The following ARIH1 variants were observed in gnomAD, a reference collection of about 807,000 sequenced individuals.
ARIH1 encodes the protein ariadne RBR E3 ubiquitin protein ligase 1, also known as E3 ubiquitin-protein ligase ARIH1.
ARIH1 carries 8 observed loss-of-function variants against 85.0 expected under a neutral mutation model. The observed-to-expected ratio is 0.09, with a 90% CI of 0.06 to 0.17. The LOEUF (loss-of-function observed/expected upper bound fraction) is 0.17, where lower values mean the gene tolerates loss of function less well. Ranked by LOEUF, ARIH1 falls within the 10% of genes least tolerant of loss-of-function variation. The pLI is 1.00. For synonymous variants in ARIH1, 238 were observed against 253.6 expected (o/e 0.94, Z 0.59); for missense variants, 311 against 718.1 (o/e 0.43, Z 6.48).
chr15:72,561,374 G>GGCATAAACATGTAGCCGTA, intron 5 of ARIH1, 109 bp from the exon 6 acceptor site: 1 of 727,768 alleles, frequency 1.4e-6, no homozygotes, highest in East Asian at 2.7e-5. Flanking sequence ...TACAGCTTAG[G>GGCATAAACATGTAGCCGTA]GCATAAACAT....
At chr15:72,547,345 G>A (rs181924625) in intron 3 of ARIH1, among the ~76,000 whole-genome samples, 1 of 151,808 alleles carries the variant, frequency 6.6e-6, no homozygotes, top group East Asian at 1.9e-4. Flanking sequence ...TGATTCTCCT[G>A]CCTCAGCCTC....
Position 72,504,327 on chromosome 15 carries a change from T to G in ARIH1, c.376-13740T>G, listed in dbSNP as rs2063915541. Among the ~76,000 whole-genome samples the G allele has an allele frequency of 2.0e-5, 3 of 152,088 alleles. No homozygotes were observed. In the South Asian group the frequency reaches 6.2e-4, roughly 31 times the overall value. ...GTCTCAGCCTCCCAGAGTACTGGGATTACAGTGTGAGCCACCGCACCCAGC... is the reference window on the plus strand; with the variant it reads ...GTCTCAGCCTCCCAGAGTACTGGGAGTACAGTGTGAGCCACCGCACCCAGC... On this transcript the variant is annotated intron_variant, in intron 1 of 13. Transcript: ENST00000379887.
At chr15:72,479,501 T>C (rs139907547) in intron 1 of ARIH1, among the ~76,000 whole-genome samples, 2,592 of 152,056 alleles carry the variant, frequency 0.017, 60 homozygotes, top group African/African-American at 0.059. Flanking sequence ...CTCTGCCTCC[T>C]GGGTTCAAGC....
intron 7 of ARIH1, among the ~76,000 whole-genome samples, chr15:72,564,483 C>T (rs1044922525): frequency 3.3e-5 from 5 of 152,140 alleles, no homozygotes; most frequent in African/African-American, 9.7e-5. Flanking sequence ...CCAGAATTAC[C>T]CTTAACAATT....
intron 7 of ARIH1, among the ~76,000 whole-genome samples, chr15:72,564,860 A>T (rs1281653104): frequency 1.3e-5 from 2 of 151,580 alleles, no homozygotes; most frequent in Non-Finnish European, 2.9e-5. Context: ...TTTTTTTTTT[A>T]AAAAGGATGC....
chr15:72,529,174 G>A (rs1223372935), intron 2 of ARIH1, among the ~76,000 whole-genome samples: 7 of 152,160 alleles, frequency 4.6e-5, no homozygotes, highest in South Asian at 2.1e-4. Context: ...ACTCCAGCCT[G>A]GGCGACAGAG....
chr15:72,569,707 G>T (rs1313852740), intron 9 of ARIH1, among the ~76,000 whole-genome samples: 1 of 152,196 alleles, frequency 6.6e-6, no homozygotes, highest in East Asian at 1.9e-4. Context: ...AGAGAGTATA[G>T]TATATTTATA....
intron 2 of ARIH1, among the ~76,000 whole-genome samples, chr15:72,539,810 A>G (rs2064098495): frequency 6.6e-6 from 1 of 152,198 alleles, no homozygotes; most frequent in Non-Finnish European, 1.5e-5. Flanking sequence ...AGAAAATAGA[A>G]CACTATCTCT....
chr15:72,561,376 C>T, intron 5 of ARIH1, 107 bp from the exon 6 acceptor site: 1 of 736,868 alleles, frequency 1.4e-6, no homozygotes, highest in Non-Finnish European at 2.3e-6. Context: ...CAGCTTAGGG[C>T]ATAAACATGT....
At position 72,497,229 on chromosome 15, in the gene ARIH1, A is replaced by G. The variant is rs758521157; in HGVS notation, c.376-20838A>G. On this transcript the variant is annotated intron_variant, in intron 1 of 13. Transcript: ENST00000379887. ...GGATCCTATTTTGTAAACTGGGAGG[A>G]GAAACAGAGAAGATAGATTGAGCTA... 3.6e-4 allele frequency among the ~76,000 whole-genome samples: 55 copies of G among 152,206 alleles called. 1 individual carries two copies. Among genetic ancestry groups the G allele is most frequent in the Non-Finnish European group, 7.1e-4 (48 of 68,036 alleles).
chr15:72,486,946 C>T (rs1595849382), intron 1 of ARIH1, among the ~76,000 whole-genome samples: 1 of 152,008 alleles, frequency 6.6e-6, no homozygotes. Flanking sequence ...CCGCCCTCCT[C>T]AGCCTCCCAA....
rs961904194 is a variant in ARIH1 at position 72,555,307 on chromosome 15, A to G, written c.625A>G (p.Met209Val). Reference protein sequence around the residue: ...TGLECGHKFCMQCWSEYLTTK... With the variant: ...TGLECGHKFCVQCWSEYLTTK... ...CCTTGAATGTGGACATAAGTTTTGT[A>G]TGCAGTGCTGGAGTGAATATTTAAC... The change falls in exon 4 of 14, where the codon ATG becomes GTG. Residue 209 changes from methionine (M) to valine (V), a missense_variant. Transcript: ENST00000379887. 2.0e-5 allele frequency: 32 copies of G among 1,613,708 alleles called. No individual in the cohort carries two copies. The highest frequency in any genetic ancestry group is 1.6e-4 in the Middle Eastern group (1 of 6,080).
chr15:72,583,137 A>G, intron 13 of ARIH1, 71 bp from the exon 14 acceptor site: 1 of 1,273,312 alleles, frequency 7.9e-7, no homozygotes, highest in Non-Finnish European at 1.1e-6. Flanking sequence ...TGCCTTAAAA[A>G]TAAGTAAATG....
intron 3 of ARIH1, 128 bp from the exon 4 acceptor site, chr15:72,555,143 C>T (rs2064169623): frequency 3.1e-6 from 2 of 636,468 alleles, no homozygotes; most frequent in Admixed American, 5.8e-5. Flanking sequence ...TTTAGGAGCC[C>T]ATCTATTGTC....
At chr15:72,491,028 A>ACTCT (rs2063857078) in intron 1 of ARIH1, among the ~76,000 whole-genome samples, 1 of 152,140 alleles carries the variant, frequency 6.6e-6, no homozygotes, top group Non-Finnish European at 1.5e-5. Context: ...AGGCAGGAGA[A>ACTCT]TTGCTTGAAC....
intron 2 of ARIH1, among the ~76,000 whole-genome samples, chr15:72,518,896 G>C (rs892614889): frequency 2.6e-5 from 4 of 152,082 alleles, no homozygotes; most frequent in Non-Finnish European, 1.5e-5. Context: ...CTGGCCACCA[G>C]ACCAGGTGCT....
intron 11 of ARIH1, among the ~76,000 whole-genome samples, chr15:72,572,880 C>A (rs936393980): frequency 1.3e-5 from 2 of 152,158 alleles, no homozygotes; most frequent in Non-Finnish European, 2.9e-5. Flanking sequence ...GTCTCAGGAA[C>A]TGAGAAATTC....
rs943715704 is a variant in ARIH1 at position 72,561,331 on chromosome 15, T to C, written c.738-152T>C. ...ATTATTGTTCTGATCAGTACAGTTA[T>C]ATTTGTTGATAGCCTATGTGCATTT... On this transcript the variant is annotated intron_variant, in intron 5 of 13. Coordinates refer to ENST00000379887, the MANE Select transcript of ARIH1 (RefSeq NM_005744.5). 108 of 623,040 alleles carry C rather than the reference T, an allele frequency of 1.7e-4. 2 individuals are homozygous for C. The highest frequency in any genetic ancestry group is 1.0e-3 in the Admixed American group (32 of 31,950). 38.6% of individuals were successfully genotyped at this position (623,040 alleles called of 1,614,324 possible).
intron 11 of ARIH1, 139 bp downstream of exon 11, chr15:72,572,304 C>T (rs2064252114): frequency 1.8e-6 from 1 of 559,068 alleles, no homozygotes; most frequent in Non-Finnish European, 3.1e-6. Flanking sequence ...GTGGCATGAT[C>T]TCAGCTCACT....
Sources: allele counts gnomAD v4.1 joint callset (sites outside exome capture counted in the v4.1 genomes callset), GRCh38; gene constraint gnomAD v4.1.1; transcripts MANE v1.5; gene names NCBI Gene and HGNC (gene_info 2026-07-23, HGNC 2026-07-21).